Variants in IFT43 observed in about 807,000 individuals in gnomAD.
IFT43 encodes intraflagellar transport 43.
In IFT43, 33 loss-of-function variants were observed where a neutral mutation model predicts 32.3. The ratio of observed to expected loss-of-function variants is 1.02; its 90% CI spans 0.77 to 1.37. The LOEUF is 1.37. Ranked by LOEUF, IFT43 falls within the 40% of genes most tolerant of loss-of-function variation. The pLI is 0.00. For synonymous variants in IFT43, 93 were observed against 98.2 expected, an observed-to-expected ratio of 0.95 and a Z score of 0.31; for missense variants, 274 against 265.9, an observed-to-expected ratio of 1.03 and a Z score of -0.21.
chr14:76,062,313 G>A (rs2037151595), intron 5 of IFT43, among the ~76,000 whole-genome samples: 2 of 151,618 alleles, frequency 1.3e-5, no homozygotes, highest in East Asian at 1.9e-4. Flanking sequence ...TTCGTGATCC[G>A]CCTGCCTCAG....
chr14:76,040,361 T>A (rs1285316893), intron 3 of IFT43, among the ~76,000 whole-genome samples: 1 of 152,226 alleles, frequency 6.6e-6, no homozygotes, highest in African/African-American at 2.4e-5. Context: ...AAAACCAGAC[T>A]TCTATTGTGT....
intron 5 of IFT43, among the ~76,000 whole-genome samples, chr14:76,076,014 G>C (rs138060797): frequency 6.6e-6 from 1 of 152,218 alleles, no homozygotes. Flanking sequence ...TCTTATTGGG[G>C]TGTCCTTAAG....
At chr14:75,999,543 A>T (rs2035844201) in intron 2 of IFT43, among the ~76,000 whole-genome samples, 1 of 152,092 alleles carries the variant, frequency 6.6e-6, no homozygotes, top group African/African-American at 2.4e-5. Context: ...AAAACTTCAT[A>T]TTCTAAGTGG....
chr14:75,988,307 G>T (rs929910438), intron 1 of IFT43, among the ~76,000 whole-genome samples: 1 of 152,032 alleles, frequency 6.6e-6, no homozygotes, highest in Non-Finnish European at 1.5e-5. Context: ...TGAGCCTAGG[G>T]GGTGGAGGCT....
chr14:75,990,187 G>A (rs2035609796), intron 2 of IFT43, among the ~76,000 whole-genome samples: 1 of 152,230 alleles, frequency 6.6e-6, no homozygotes, highest in Non-Finnish European at 1.5e-5. Context: ...GCTGGTTGGT[G>A]CTGTCGAGAA....
At chr14:76,053,654 C>T (rs1025960578) in intron 3 of IFT43, among the ~76,000 whole-genome samples, 33 of 152,170 alleles carry the variant, frequency 2.2e-4, no homozygotes, top group Admixed American at 3.9e-4. Context: ...TGAGAGAGAA[C>T]GTTTACTGTC....
At chr14:76,064,150 C>T (rs979828041) in intron 5 of IFT43, among the ~76,000 whole-genome samples, 6 of 152,202 alleles carry the variant, frequency 3.9e-5, no homozygotes, top group African/African-American at 4.8e-5. Context: ...CTCTTCATGA[C>T]AGATCTTCCT....
chr14:76,006,856 T>A (rs1231532208), intron 2 of IFT43, among the ~76,000 whole-genome samples: 3 of 71,676 alleles, frequency 4.2e-5, no homozygotes, highest in Non-Finnish European at 1.0e-4. Flanking sequence ...ACTGGGGACA[T>A]TTTTTTTTTT....
chr14:76,001,090 T>TGCA (rs2035876796), intron 2 of IFT43, among the ~76,000 whole-genome samples: 1 of 152,148 alleles, frequency 6.6e-6, no homozygotes, highest in Non-Finnish European at 1.5e-5. Flanking sequence ...CCCTTCATGA[T>TGCA]CTCCAAGTGC....
intron 1 of IFT43, among the ~76,000 whole-genome samples, chr14:75,986,978 C>T (rs969778914): frequency 1.3e-5 from 2 of 152,116 alleles, no homozygotes; most frequent in Admixed American, 6.5e-5. Flanking sequence ...AAAGTTCCTG[C>T]CCTCATGTGA....
intron 2 of IFT43, 108 bp from the exon 3 acceptor site, chr14:76,022,219 C>A: frequency 1.9e-6 from 2 of 1,036,838 alleles, no homozygotes; most frequent in Non-Finnish European, 1.5e-6. Flanking sequence ...CCACTGCACT[C>A]CAGCCTGGGT....
At position 75,996,691 on chromosome 14, in the gene IFT43, A is replaced by G. The variant is rs547283786; in HGVS notation, c.147+7714A>G. ...GTTGTTTGCCAACACCTTTCTGTCA[A>G]CAAAATGCAACTCTCTGTCTGAAGG... On this transcript the variant is annotated intron_variant, in intron 2 of 8. Transcript: ENST00000314067. 1.6e-4 allele frequency among the ~76,000 whole-genome samples: 25 copies of G among 152,338 alleles called. 1 individual carries two copies. The highest frequency in any genetic ancestry group is 1.4e-3 in the Admixed American group (21 of 15,304).
At chr14:75,999,821 T>G (rs925618289) in intron 2 of IFT43, among the ~76,000 whole-genome samples, 1 of 152,248 alleles carries the variant, frequency 6.6e-6, no homozygotes, top group African/African-American at 2.4e-5. Flanking sequence ...TTTAATGTAT[T>G]GGGAACATAG....
At chr14:75,998,855 G>A (rs2035796629) in intron 2 of IFT43, among the ~76,000 whole-genome samples, 1 of 152,186 alleles carries the variant, frequency 6.6e-6, no homozygotes, top group South Asian at 2.1e-4. Context: ...CCCTCGGCCT[G>A]CCGAGTAACT....
chr14:75,985,822 C>G lies in IFT43; in HGVS notation c.36C>G (p.Arg12=). The G allele has an allele frequency of 1.9e-6, 3 of 1,614,182 alleles. No individual in the cohort carries two copies. Among genetic ancestry groups the G allele is most frequent in the Non-Finnish European group, 2.5e-6 (3 of 1,180,030 alleles). ...EDLLDLDEEL[R]YSLATSRAKM... is the part of the protein sequence containing the mutation. ...TGCTCGACTTGGACGAGGAGCTTCG[C>G]TACAGCTTGGCTACCTCCGTGAGGA... The change falls in exon 1 of 9, where the codon CGC becomes CGG. Residue 12 remains arginine, a synonymous_variant. Coordinates refer to ENST00000314067, the MANE Select transcript of IFT43 (RefSeq NM_001102564.3).
At position 76,083,270 on chromosome 14, in the gene IFT43, C is replaced by T. The variant is rs763232302; in HGVS notation, c.488C>T (p.Pro163Leu). Reference sequence around the variant, plus strand: ...AAACTCCTCACCAAAGTGCTCGCGCCGGAGCACGAAGTCCGGGAGGTACAG... The same window carrying T: ...AAACTCCTCACCAAAGTGCTCGCGCTGGAGCACGAAGTCCGGGAGGTACAG... The part of the protein sequence containing the change: ...DLKLLTKVLA[P>L]EHEVREDDVG... The change falls in exon 8 of 9, where the codon CCG becomes CTG. Residue 163 changes from proline to leucine, a missense_variant. Coordinates refer to ENST00000314067, the MANE Select transcript of IFT43 (RefSeq NM_001102564.3). 2.2e-4 allele frequency: 363 copies of T among 1,613,642 alleles called. 4 individuals carry two copies. The South Asian group carries it at 3.6e-3, about 16-fold the overall frequency.
At chr14:76,063,141 C>G (rs762150257) in intron 5 of IFT43, among the ~76,000 whole-genome samples, 2 of 152,156 alleles carry the variant, frequency 1.3e-5, no homozygotes, top group Admixed American at 1.3e-4. Flanking sequence ...GGAGCTGAGC[C>G]TCCTCCAGTT....
chr14:76,077,711 T>C (rs1851822858), intron 5 of IFT43, among the ~76,000 whole-genome samples: 2 of 152,172 alleles, frequency 1.3e-5, no homozygotes. Context: ...TCTATCCTGC[T>C]TACTCCCTCT....
intron 3 of IFT43, among the ~76,000 whole-genome samples, chr14:76,023,359 G>A (rs1371911822): frequency 6.6e-6 from 1 of 152,212 alleles, no homozygotes; most frequent in African/African-American, 2.4e-5. Flanking sequence ...TGTGGTGACA[G>A]CCGCAGGTAC....
Sources: gnomAD v4.1 joint callset for allele counts (sites outside exome capture counted in the v4.1 genomes callset) on GRCh38, gnomAD v4.1.1 for gene constraint, MANE v1.5 for transcripts, NCBI Gene and HGNC (gene_info 2026-07-23, HGNC 2026-07-21) for gene names.